The following CEP83 variants were observed in gnomAD, a reference collection of about 807,000 sequenced individuals.
CEP83 encodes the protein centrosomal protein 83.
Under a neutral mutation model 101.9 loss-of-function variants are expected in CEP83, and 70 were observed. The ratio of observed to expected loss-of-function variants is 0.69; its 90% confidence interval spans 0.57 to 0.84. The LOEUF (loss-of-function observed/expected upper bound fraction) is 0.84, where lower values mean the gene tolerates loss of function less well. Ranked by LOEUF, CEP83 falls within the 40% of genes least tolerant of loss-of-function variation. The pLI, the probability that CEP83 is intolerant of heterozygous loss-of-function variation, is 0.00. For missense variants in CEP83, 715 were observed against 787.2 expected (o/e 0.91, Z 1.10); for synonymous variants, 264 against 267.9 (o/e 0.99, Z 0.14).
chr12:94,323,992 T>G (rs1026522449), intron 14 of CEP83, among the ~76,000 whole-genome samples: 8 of 152,224 alleles, frequency 5.3e-5, no homozygotes, highest in Admixed American at 2.6e-4. Flanking sequence ...CTGAACAATT[T>G]TGCATGTTAA....
intron 15 of CEP83, among the ~76,000 whole-genome samples, chr12:94,311,016 TG>T (rs1969784538): frequency 6.6e-6 from 1 of 152,108 alleles, no homozygotes; most frequent in Non-Finnish European, 1.5e-5. Context: ...ATTAGAGGGT[TG>T]GAACTTTCAG....
intron 8 of CEP83, among the ~76,000 whole-genome samples, chr12:94,371,039 G>T (rs1345719169): frequency 1.3e-5 from 2 of 152,012 alleles, no homozygotes; most frequent in South Asian, 2.1e-4. Context: ...GACAAAGAAG[G>T]TATTCTAGGT....
Position 94,308,659 on chromosome 12 carries a change from T to C in CEP83, c.*154A>G. The stretch of plus-strand genomic sequence containing the variant: ...TTGTATAATCTTAAAATCCTGACAG[T>C]CATACAATACAGCATGTAGTAGGTA... On this transcript the variant is annotated 3_prime_UTR_variant, in exon 17 of 17. Coordinates refer to ENST00000397809, the MANE Select transcript of CEP83 (RefSeq NM_016122.3). 1 of 509,624 alleles carries C rather than the reference T, an allele frequency of 2.0e-6. No homozygotes were observed. The highest frequency in any genetic ancestry group is 3.5e-5 in the Admixed American group (1 of 28,186). The allele number at this position is 509,624 out of a possible 1,614,324, so 31.6% of individuals were successfully genotyped here. A position where few individuals can be genotyped will look rare whatever the true frequency, so the allele number is the denominator to read the frequency against.
intron 15 of CEP83, among the ~76,000 whole-genome samples, chr12:94,311,985 G>C (rs1465163657): frequency 6.6e-6 from 1 of 151,998 alleles, no homozygotes; most frequent in Non-Finnish European, 1.5e-5. Context: ...TGAGGCAGGA[G>C]AATAGATTAA....
rs1050957818 is a variant in CEP83, at chr12:94,335,907, A to G, written c.1344-243T>C. The G allele has an allele frequency of 9.6e-6, 4 of 417,482 alleles. No individual in the cohort carries two copies. In the Admixed American group the frequency reaches 1.3e-4, roughly 14 times the overall value. The allele number at this position is 417,482 out of a possible 1,614,324, so 25.9% of individuals were successfully genotyped here. A position where few individuals can be genotyped will look rare whatever the true frequency, so the allele number is the denominator to read the frequency against. ...AGAGGATAAGAAATCAAGTCTGTCC[A>G]GGGGTACTGGGGAACGCTACATGGA... On this transcript the variant is annotated intron_variant, in intron 11 of 16. Transcript: ENST00000397809.
chr12:94,302,016 T>C (rs980524274), downstream of CEP83, among the ~76,000 whole-genome samples: 1 of 152,214 alleles, frequency 6.6e-6, no homozygotes, highest in Non-Finnish European at 1.5e-5. Context: ...TGCTTCCTAA[T>C]TGGTGTCCTT....
intron 14 of CEP83, among the ~76,000 whole-genome samples, chr12:94,317,568 T>A (rs1970910304): frequency 6.6e-6 from 1 of 152,210 alleles, no homozygotes; most frequent in Non-Finnish European, 1.5e-5. Flanking sequence ...AAGTCTTTAA[T>A]CCTTCTTGAG....
rs397790679 is a variant in CEP83 at position 94,333,065 on chromosome 12, A to AAAG, written c.1577+416_1577+417insCTT. Among the ~76,000 whole-genome samples the AAAG allele has an allele frequency of 6.4e-4, 97 of 150,626 alleles. 1 individual carries two copies. The East Asian group carries it at 0.018, about 28-fold the overall frequency. ...AAGACCAAAAAAAAAAAAAAAAAAAACAAATAAATTAGCTTTTCAAAGAAA... is the reference window on the plus strand; with the variant it reads ...AAGACCAAAAAAAAAAAAAAAAAAAAAAGCAAATAAATTAGCTTTTCAAAGAAA... On this transcript the variant is annotated intron_variant, in intron 13 of 16. Transcript: ENST00000397809.
the CEP83 span, among the ~76,000 whole-genome samples, chr12:94,280,516 G>A: frequency 6.6e-6 from 1 of 152,222 alleles, no homozygotes. Flanking sequence ...TTGGAAGTTT[G>A]AGACCATGCA....
At position 94,411,763 on chromosome 12, in the gene CEP83, G is replaced by A. The variant is rs775780724; in HGVS notation, c.258C>T (p.Leu86=). The change falls in exon 4 of 17, where the codon CTC becomes CTT. Residue 86 remains leucine, a synonymous_variant. Coordinates refer to ENST00000397809, the MANE Select transcript of CEP83 (RefSeq NM_016122.3). The part of the protein sequence containing the change: ...EKQTQQEKLQ[L]LLEELRGELV... ...ATTCTCCTCTTAGTTCTTCAAGCAG[G>A]AGCTGAAGTTTTTCCTGCTGAGTTT... The A allele has an allele frequency of 1.2e-6, 2 of 1,611,716 alleles. No individual in the cohort carries two copies. The highest frequency in any genetic ancestry group is 3.3e-5 in the Admixed American group (2 of 59,960).
chr12:94,275,605 G>A, the CEP83 span, among the ~76,000 whole-genome samples: 1 of 86,240 alleles, frequency 1.2e-5, no homozygotes, highest in African/African-American at 5.0e-5. Flanking sequence ...TGTAATCCCA[G>A]CACTTTGGGA....
At chr12:94,321,982 A>G (rs898101990) in intron 14 of CEP83, among the ~76,000 whole-genome samples, 2 of 152,096 alleles carry the variant, frequency 1.3e-5, no homozygotes, top group African/African-American at 4.8e-5. Flanking sequence ...ACCTGAAGAT[A>G]TCAACAAGGA....
chr12:94,360,890 C>A (rs895255806), intron 11 of CEP83, among the ~76,000 whole-genome samples: 1 of 152,172 alleles, frequency 6.6e-6, no homozygotes, highest in Non-Finnish European at 1.5e-5. Context: ...CACCATAGTA[C>A]TGGCATAAAA....
chr12:94,279,550 G>A, the CEP83 span: 5 of 1,614,018 alleles, frequency 3.1e-6, no homozygotes, highest in East Asian at 2.2e-5. Flanking sequence ...CAATGTTCTC[G>A]ACTGTGACAC....
At chr12:94,343,665 ATTTT>A (rs551392280) in intron 11 of CEP83, among the ~76,000 whole-genome samples, 1 of 144,278 alleles carries the variant, frequency 6.9e-6, no homozygotes, top group Non-Finnish European at 1.5e-5. Flanking sequence ...AATTTTTTGT[ATTTT>A]TTTTTAGTAG....
At chr12:94,317,392 T>C (rs1241440620) in intron 14 of CEP83, among the ~76,000 whole-genome samples, 1 of 152,248 alleles carries the variant, frequency 6.6e-6, no homozygotes, top group East Asian at 1.9e-4. Flanking sequence ...CAGTTTCTTT[T>C]GCTGTGCAGA....
At chr12:94,282,088 G>T in the CEP83 span, 1 of 496,300 alleles carries the variant, frequency 2.0e-6, no homozygotes. Context: ...GGCTTATCAG[G>T]GAAGAAGTGG....
intron 6 of CEP83, among the ~76,000 whole-genome samples, chr12:94,394,740 A>G (rs142012679): frequency 0.011 from 1,629 of 152,356 alleles, 43 homozygotes; most frequent in African/African-American, 0.037. Flanking sequence ...ACAAAGGGCT[A>G]ATATCCAGAA....
chr12:94,388,491 G>A (rs1360953746), intron 6 of CEP83, among the ~76,000 whole-genome samples: 1 of 152,140 alleles, frequency 6.6e-6, no homozygotes, highest in Non-Finnish European at 1.5e-5. Flanking sequence ...ACTATGCTCA[G>A]TATCTAGGTG....
Sources: allele counts gnomAD v4.1 joint callset (sites outside exome capture counted in the v4.1 genomes callset), GRCh38; gene constraint gnomAD v4.1.1; transcripts MANE v1.5; gene names NCBI Gene and HGNC (gene_info 2026-07-23, HGNC 2026-07-21).